MYOZ2: variants seen among roughly 807,000 people sequenced by gnomAD.
MYOZ2 encodes myozenin-2.
MYOZ2 carries 19 observed loss-of-function variants against 25.4 expected under a neutral mutation model. That is an observed-to-expected ratio of 0.75 (90% CI 0.52 to 1.10). The LOEUF is 1.10. Among genes scored for constraint, MYOZ2 ranks in the 50% least tolerant of loss-of-function variants. MYOZ2 has a pLI of 0.00. For synonymous variants in MYOZ2, 92 were observed against 106.9 expected, an observed-to-expected ratio of 0.86 and a Z score of 0.86; for missense variants, 270 against 317.9, an observed-to-expected ratio of 0.85 and a Z score of 1.15.
intron 5 of MYOZ2, among the ~76,000 whole-genome samples, chr4:119,178,196 C>G (rs1390500185): frequency 6.6e-6 from 1 of 152,190 alleles, no homozygotes; most frequent in Non-Finnish European, 1.5e-5. Flanking sequence ...CTCCCCAGAT[C>G]TTTCTCCTTC....
intron 2 of MYOZ2, among the ~76,000 whole-genome samples, chr4:119,150,536 A>G (rs2070604765): frequency 7.9e-6 from 1 of 127,334 alleles, no homozygotes; most frequent in African/African-American, 2.5e-5. Flanking sequence ...GAATGTAACT[A>G]TGAAGCCATG....
chr4:119,167,826 G>A (rs1317260036), intron 5 of MYOZ2, among the ~76,000 whole-genome samples: 1 of 152,234 alleles, frequency 6.6e-6, no homozygotes, highest in Non-Finnish European at 1.5e-5. Flanking sequence ...CAGCACATCT[G>A]TTTACAGCAT....
intron 5 of MYOZ2, among the ~76,000 whole-genome samples, chr4:119,177,698 G>A (rs1414328327): frequency 6.6e-6 from 1 of 152,168 alleles, no homozygotes; most frequent in Non-Finnish European, 1.5e-5. Flanking sequence ...TAAAAGAGCT[G>A]ATGAGTTGCC....
Position 119,163,989 on chromosome 4 carries a change from A to T in MYOZ2, c.377-222A>T, listed in dbSNP as rs76469576. ...AGAAAAAACTGTATAATTTGGAAAA[A>T]TTAAACATTAAGAAAAATGGTTTCT... On this transcript the variant is annotated intron_variant, in intron 4 of 5. Coordinates refer to ENST00000307128, the MANE Select transcript of MYOZ2 (RefSeq NM_016599.5). 0.029 allele frequency among the ~76,000 whole-genome samples: 4,461 copies of T among 152,266 alleles called. 234 individuals are homozygous for T. The highest frequency in any genetic ancestry group is 0.1 in the African/African-American group (4,249 of 41,522).
Position 119,186,172 on chromosome 4 carries a change from C to G in MYOZ2, c.767C>G (p.Thr256Ser). The change falls in exon 6 of 6, where the codon ACC (threonine) becomes AGC (serine). Residue 256 changes from threonine (T) to serine (S), a missense_variant. Thr to Ser is a moderately conservative substitution (Grantham distance 58). Coordinates refer to ENST00000307128, the MANE Select transcript of MYOZ2 (RefSeq NM_016599.5). Reference protein sequence around the residue: ...IVITTEPTDDTTVPESEDL With the variant: ...IVITTEPTDDSTVPESEDL The stretch of plus-strand genomic sequence containing the variant: ...ATAACAACCGAACCTACAGATGATA[C>G]CACTGTACCAGAATCAGAAGACCTA... 1 of 1,613,108 alleles carries G rather than the reference C, an allele frequency of 6.2e-7. No homozygotes were observed. The highest frequency in any genetic ancestry group is 8.5e-7 in the Non-Finnish European group (1 of 1,179,200).
At chr4:119,165,092 A>C (rs1256993701) in intron 5 of MYOZ2, among the ~76,000 whole-genome samples, 1 of 139,098 alleles carries the variant, frequency 7.2e-6, no homozygotes, top group Non-Finnish European at 1.6e-5. Context: ...GCTGTCTCAC[A>C]CTCAAAAAAA....
intron 2 of MYOZ2, among the ~76,000 whole-genome samples, chr4:119,146,961 A>G (rs1480359285): frequency 6.6e-6 from 1 of 152,186 alleles, no homozygotes; most frequent in Non-Finnish European, 1.5e-5. Context: ...TAATCATTAT[A>G]TAATGCCCTC....
chr4:119,175,548 T>C (rs2149228406), intron 5 of MYOZ2, among the ~76,000 whole-genome samples: 1 of 152,128 alleles, frequency 6.6e-6, no homozygotes, highest in Admixed American at 6.5e-5. Flanking sequence ...GGTTAGGAGT[T>C]CGAGACCACC....
chr4:119,176,821 G>A (rs182226353), intron 5 of MYOZ2, among the ~76,000 whole-genome samples: 6 of 152,260 alleles, frequency 3.9e-5, no homozygotes, highest in African/African-American at 9.6e-5. Context: ...TATCAGGCAC[G>A]GTTTTAAGTG....
rs538884650 is a variant in MYOZ2, at chr4:119,137,206, CA to C, written c.76+612del. On this transcript the variant is annotated intron_variant, in intron 2 of 5. Transcript: ENST00000307128. ...TATTGTAGTCTCAAAGCATATGACT[CA>C]AAAAAATTTTAATATATATTACGTG... is the stretch of plus-strand genomic sequence containing the variant. Among the ~76,000 whole-genome samples the C allele has an allele frequency of 3.4e-3, 515 of 152,104 alleles. 1 individual carries two copies. The highest frequency in any genetic ancestry group is 0.012 in the African/African-American group (502 of 41,526).
intron 2 of MYOZ2, among the ~76,000 whole-genome samples, chr4:119,143,872 G>T (rs916289595): frequency 1.3e-5 from 2 of 152,032 alleles, no homozygotes; most frequent in Admixed American, 6.6e-5. Context: ...GTCTTTTCAT[G>T]GCTTGATAGC....
At chr4:119,144,752 T>A (rs1741248089) in intron 2 of MYOZ2, among the ~76,000 whole-genome samples, 1 of 152,256 alleles carries the variant, frequency 6.6e-6, no homozygotes. Flanking sequence ...TCTTCTTCAG[T>A]TGAAATGCCT....
intron 5 of MYOZ2, among the ~76,000 whole-genome samples, chr4:119,166,538 A>T (rs1235768498): frequency 6.6e-6 from 1 of 151,938 alleles, no homozygotes; most frequent in East Asian, 1.9e-4. Context: ...ATGCACAGGG[A>T]TACACAAAGT....
At chr4:119,175,029 A>G (rs150819668) in intron 5 of MYOZ2, among the ~76,000 whole-genome samples, 4,434 of 151,980 alleles carry the variant, frequency 0.029, 230 homozygotes, top group African/African-American at 0.1. Context: ...CTCCGAACAC[A>G]TCCGAACATC....
intron 2 of MYOZ2, among the ~76,000 whole-genome samples, chr4:119,147,349 A>C (rs747303917): frequency 1.3e-5 from 2 of 151,474 alleles, no homozygotes; most frequent in Non-Finnish European, 2.9e-5. Flanking sequence ...GTATCTGTTC[A>C]TATAGCTTTC....
At chr4:119,160,883 C>T (rs1294968335) in intron 4 of MYOZ2, among the ~76,000 whole-genome samples, 1 of 151,718 alleles carries the variant, frequency 6.6e-6, no homozygotes, top group Non-Finnish European at 1.5e-5. Flanking sequence ...TCAATATCCT[C>T]CTTCTAGCTA....
chr4:119,147,060 C>G (rs1019591575), intron 2 of MYOZ2, among the ~76,000 whole-genome samples: 1 of 151,972 alleles, frequency 6.6e-6, no homozygotes, highest in East Asian at 1.9e-4. Flanking sequence ...ATATATTTTT[C>G]CAATCTGTTA....
chr4:119,163,799 A>G (rs1456510162), intron 4 of MYOZ2, among the ~76,000 whole-genome samples: 2 of 152,154 alleles, frequency 1.3e-5, no homozygotes, highest in Admixed American at 6.5e-5. Context: ...TTTTGTCTGC[A>G]TTGCGATTTC....
At chr4:119,173,198 A>G (rs1741982194) in intron 5 of MYOZ2, among the ~76,000 whole-genome samples, 1 of 152,248 alleles carries the variant, frequency 6.6e-6, no homozygotes, top group Non-Finnish European at 1.5e-5. Context: ...TAAACAAGAA[A>G]GTATCTACTA....
Sources: gnomAD v4.1 joint callset for allele counts (sites outside exome capture counted in the v4.1 genomes callset) on GRCh38, gnomAD v4.1.1 for gene constraint, MANE v1.5 for transcripts, NCBI Gene and HGNC (gene_info 2026-07-23, HGNC 2026-07-21) for gene names.